Variants in POPDC2 observed in about 807,000 individuals in gnomAD.
The protein encoded by POPDC2 is popeye domain cAMP effector 2, also known as popeye domain-containing protein 2.
POPDC2 carries 24 observed loss-of-function variants against 30.5 expected under a neutral mutation model. The ratio of observed to expected loss-of-function variants is 0.79; its 90% CI spans 0.57 to 1.11. The LOEUF is 1.11. Among genes scored for constraint, POPDC2 ranks in the 50% least tolerant of loss-of-function variants. The pLI is 0.00. For missense variants in POPDC2, 409 were observed against 447.0 expected, an observed-to-expected ratio of 0.91 and a Z score of 0.77; for synonymous variants, 185 against 183.3, an observed-to-expected ratio of 1.01 and a Z score of -0.07.
chr3:119,643,980 C>T (rs567330219), intron 3 of POPDC2, among the ~76,000 whole-genome samples: 1 of 152,330 alleles, frequency 6.6e-6, no homozygotes, highest in Non-Finnish European at 1.5e-5. Context: ...AGATATTACA[C>T]TTGCCCTTTT....
Position 119,660,476 on chromosome 3 carries a change from A to T in POPDC2, c.-53T>A. 4 of 1,542,478 alleles carry T rather than the reference A, an allele frequency of 2.6e-6. No individual in the cohort carries two copies. The highest frequency in any genetic ancestry group is 3.5e-6 in the Non-Finnish European group (4 of 1,144,070). Reference sequence around the variant, plus strand: ...GCTCTAATACTGTCCTCACATAGGAAATTCAGAAAATGAATGAATCCATCC... The same window carrying T: ...GCTCTAATACTGTCCTCACATAGGATATTCAGAAAATGAATGAATCCATCC... On this transcript the variant is annotated 5_prime_UTR_variant, in exon 1 of 4. Coordinates refer to ENST00000493094, the MANE Select transcript of POPDC2 (RefSeq NM_001369919.2).
chr3:119,654,641 G>A, intron 1 of POPDC2, 28 bp from the exon 2 acceptor site: 1 of 1,580,128 alleles, frequency 6.3e-7, no homozygotes, highest in Non-Finnish European at 8.7e-7. Context: ...GAGATCATGT[G>A]GGAAAAGGAA....
chr3:119,660,527 TTC>T lies in POPDC2; in HGVS notation c.-106_-105del. ...GCTCAGGGGTCTTCTCACCTCCGGC[TTC>T]TCACTACCGACTCCACCTTTCCTAG... is the stretch of plus-strand genomic sequence containing the variant. On this transcript the variant is annotated 5_prime_UTR_variant, in exon 1 of 4. Transcript: ENST00000493094. 1 of 1,331,762 alleles carries T rather than the reference TTC, an allele frequency of 7.5e-7. No individual in the cohort carries two copies. Among genetic ancestry groups the T allele is most frequent in the East Asian group, 2.5e-5 (1 of 40,074 alleles). The allele number at this position is 1,331,762 out of a possible 1,614,324, so 82.5% of individuals were successfully genotyped here. A position where few individuals can be genotyped will look rare whatever the true frequency, so the allele number is the denominator to read the frequency against.
chr3:119,643,230 G>A (rs2052710447), intron 3 of POPDC2: 2 of 625,834 alleles, frequency 3.2e-6, no homozygotes, highest in Admixed American at 2.6e-5. Context: ...CTTCTGAGGG[G>A]AAGAGCATGA....
chr3:119,649,851 G>A lies in POPDC2; in HGVS notation c.601-1183C>T, dbSNP rs150874109. Among the ~76,000 whole-genome samples the A allele has an allele frequency of 5.9e-4, 89 of 151,734 alleles. 1 individual carries two copies. The highest frequency in any genetic ancestry group is 2.1e-3 in the African/African-American group (86 of 41,318). On this transcript the variant is annotated intron_variant, in intron 2 of 3. Coordinates refer to ENST00000493094, the MANE Select transcript of POPDC2 (RefSeq NM_001369919.2). ...CCTTTCTGCTATACCCCTCCCCCACGTCCTTTATTCATTTCCTCCTCTCAA... is the reference window on the plus strand; with the variant it reads ...CCTTTCTGCTATACCCCTCCCCCACATCCTTTATTCATTTCCTCCTCTCAA...
At chr3:119,644,182 G>T (rs1273237615) in intron 3 of POPDC2, among the ~76,000 whole-genome samples, 1 of 152,112 alleles carries the variant, frequency 6.6e-6, no homozygotes, top group East Asian at 1.9e-4. Flanking sequence ...TTCATCATTT[G>T]CTTATTTAAA....
At chr3:119,646,369 G>A (rs933192702) in intron 3 of POPDC2, among the ~76,000 whole-genome samples, 2 of 152,200 alleles carry the variant, frequency 1.3e-5, no homozygotes, top group African/African-American at 4.8e-5. Context: ...GGTGGCTCAT[G>A]CCTGTAATCC....
rs900150646 is a variant in POPDC2 at position 119,648,086 on chromosome 3, G to A, written c.*43+33C>T. On this transcript the variant is annotated intron_variant, in intron 3 of 3. Transcript: ENST00000493094. ...GCTGAGTTAAGGCCAGCCATTGACA[G>A]GAATGTGCAGCGGCTGCCTTCTGAG... 2.8e-6 allele frequency: 4 copies of A among 1,415,874 alleles called. No homozygotes were observed. In the East Asian group the frequency reaches 7.6e-5, roughly 27 times the overall value. 87.7% of individuals were successfully genotyped at this position (1,415,874 alleles called of 1,614,324 possible). A position where few individuals can be genotyped will look rare whatever the true frequency, so the allele number is the denominator to read the frequency against.
intron 2 of POPDC2, among the ~76,000 whole-genome samples, chr3:119,653,058 A>ATGTGTG (rs1491537403): frequency 7.0e-6 from 1 of 143,450 alleles, no homozygotes; most frequent in Non-Finnish European, 1.6e-5. Context: ...ATGCGTGTGC[A>ATGTGTG]TGTGTGTGTG....
Position 119,648,173 on chromosome 3 carries a change from A to ACTCC in POPDC2, c.1092_1095dup (p.Tyr366GlyfsTer22). On this transcript the variant is annotated frameshift_variant, in exon 3 of 4. Transcript: ENST00000493094. LOFTEE classifies it low-confidence loss of function (END_TRUNC). ...TGTTAGTTCTCCCTTCACCTCATGT[A>ACTCC]CTCCCCATCACTCCTATAATCCATA... The ACTCC allele has an allele frequency of 6.5e-7, 1 of 1,529,244 alleles. No homozygotes were observed. Among genetic ancestry groups the ACTCC allele is most frequent in the East Asian group, 2.5e-5 (1 of 40,688 alleles). The allele number at this position is 1,529,244 out of a possible 1,614,324, so 94.7% of individuals were successfully genotyped here.
intron 3 of POPDC2, among the ~76,000 whole-genome samples, chr3:119,644,096 C>T (rs1393882867): frequency 6.6e-6 from 1 of 152,166 alleles, no homozygotes; most frequent in African/African-American, 2.4e-5. Context: ...GTTTCTCTTG[C>T]CCTTGGTACT....
chr3:119,650,089 G>A (rs1344206003), intron 2 of POPDC2, among the ~76,000 whole-genome samples: 2 of 152,178 alleles, frequency 1.3e-5, no homozygotes, highest in East Asian at 3.8e-4. Flanking sequence ...GCCATGGCCT[G>A]TACCTTAGAT....
At chr3:119,653,814 C>T (rs1225283312) in intron 2 of POPDC2, among the ~76,000 whole-genome samples, 2 of 152,146 alleles carry the variant, frequency 1.3e-5, no homozygotes, top group African/African-American at 4.8e-5. Flanking sequence ...GCTCCAGGTA[C>T]TTTCCTTTAG....
intron 1 of POPDC2, among the ~76,000 whole-genome samples, chr3:119,655,759 T>C (rs888147858): frequency 2.0e-5 from 3 of 152,236 alleles, no homozygotes; most frequent in African/African-American, 7.2e-5. Flanking sequence ...AGCTTAAGGC[T>C]ACATAGCGAT....
intron 2 of POPDC2, among the ~76,000 whole-genome samples, chr3:119,653,465 C>G (rs1037787226): frequency 1.3e-5 from 2 of 151,864 alleles, no homozygotes; most frequent in Middle Eastern, 6.3e-3. Flanking sequence ...CAGTGGCAAA[C>G]CAGTTCAGCA....
At chr3:119,652,897 G>A (rs2052828692) in intron 2 of POPDC2, among the ~76,000 whole-genome samples, 1 of 152,210 alleles carries the variant, frequency 6.6e-6, no homozygotes. Context: ...CCCGGTGTGT[G>A]TCTGTTCCGG....
At chr3:119,648,735 A>G in intron 2 of POPDC2, 67 bp from the exon 3 acceptor site, 1 of 1,367,836 alleles carries the variant, frequency 7.3e-7, no homozygotes, top group Non-Finnish European at 1.0e-6. Flanking sequence ...GAGCACAGAG[A>G]TCATTCAGTC....
rs377313478 is a variant in POPDC2 at position 119,656,299 on chromosome 3, T to C, written c.492-1686A>G. Among the ~76,000 whole-genome samples, 8 of 149,680 alleles carry C rather than the reference T, an allele frequency of 5.3e-5. No individual in the cohort carries two copies. The East Asian group carries it at 1.2e-3, about 22-fold the overall frequency. ...CCTTGTATTTTTTTAAATAAAGACCTTTTTTCCCCCTTCTGTTGGCTAGAG... is the reference window on the plus strand; with the variant it reads ...CCTTGTATTTTTTTAAATAAAGACCCTTTTTCCCCCTTCTGTTGGCTAGAG... On this transcript the variant is annotated intron_variant, in intron 1 of 3. Transcript: ENST00000493094.
intron 3 of POPDC2, among the ~76,000 whole-genome samples, chr3:119,645,329 G>A (rs1029659928): frequency 7.0e-4 from 106 of 152,288 alleles, no homozygotes; most frequent in Middle Eastern, 3.4e-3. Context: ...TTGGGAGCCC[G>A]AGGCGGGCGG....
Sources: gnomAD v4.1 joint callset for allele counts (sites outside exome capture counted in the v4.1 genomes callset) on GRCh38, gnomAD v4.1.1 for gene constraint, MANE v1.5 for transcripts, NCBI Gene and HGNC (gene_info 2026-07-23, HGNC 2026-07-21) for gene names.